The following APCDD1L variants were observed in gnomAD, a reference collection of about 807,000 sequenced individuals.
APCDD1L encodes protein APCDD1-like.
APCDD1L carries 21 observed loss-of-function variants against 24.2 expected under a neutral mutation model. The observed-to-expected ratio is 0.87, with a 90% CI of 0.61 to 1.25. APCDD1L has a LOEUF of 1.25. Ranked by LOEUF, APCDD1L falls within the 50% of genes most tolerant of loss-of-function variation. The pLI, the probability that APCDD1L is intolerant of heterozygous loss-of-function variation, is 0.00. For synonymous variants in APCDD1L, 321 were observed against 323.6 expected (o/e 0.99, Z 0.09); for missense variants, 704 against 711.7 (o/e 0.99, Z 0.12).
intron 1 of APCDD1L, among the ~76,000 whole-genome samples, chr20:58,500,773 C>T (rs972307880): frequency 1.3e-5 from 2 of 152,174 alleles, no homozygotes; most frequent in African/African-American, 4.8e-5. Context: ...CCCGGACATT[C>T]ATCCTGGCTA....
rs1990291729 is a variant in APCDD1L, at chr20:58,494,897, C to CT, written c.49+19761dup. 6.6e-6 allele frequency among the ~76,000 whole-genome samples: 1 copy of CT among 152,184 alleles called. No homozygotes were observed. Among genetic ancestry groups the CT allele is most frequent in the Non-Finnish European group, 1.5e-5 (1 of 68,040 alleles). ...TGCCGGTCTGTCTGCCAGGAATGCT[C>CT]TTTTTGGGCCTTCTGGCTCATTCTC... is the stretch of plus-strand genomic sequence containing the variant. On this transcript the variant is annotated intron_variant, in intron 1 of 3. Transcript: ENST00000371149. The surrounding 1 kb of genome is among the most constrained non-coding windows in gnomAD (Gnocchi z 4.8).
intron 1 of APCDD1L, among the ~76,000 whole-genome samples, chr20:58,474,688 G>A (rs1989874088): frequency 6.6e-6 from 1 of 152,188 alleles, no homozygotes; most frequent in Admixed American, 6.5e-5. Flanking sequence ...TGGGTGACAA[G>A]AGTGAGACTC....
intron 1 of APCDD1L, among the ~76,000 whole-genome samples, chr20:58,500,151 C>T (rs534643964): frequency 6.0e-4 from 91 of 152,294 alleles, no homozygotes; most frequent in African/African-American, 2.0e-3. Flanking sequence ...AAATTATTAT[C>T]AGATTTTTCA....
rs1989570635 is a variant in APCDD1L at position 58,460,347 on chromosome 20, GTAGGCCTCGTCCC to G, written c.*430_*442del. The G allele has an allele frequency of 6.2e-6, 1 of 161,856 alleles. No individual in the cohort carries two copies. The highest frequency in any genetic ancestry group is 1.3e-5 in the Non-Finnish European group (1 of 74,886). 10.0% of individuals were successfully genotyped at this position (161,856 alleles called of 1,614,324 possible). On this transcript the variant is annotated 3_prime_UTR_variant, in exon 4 of 4. Transcript: ENST00000371149. This position sits in a 1 kb window ranked among gnomAD's most constrained non-coding sequence, Gnocchi z 4.2. ...AACAACCTACAGACATGGCAGAACT[GTAGGCCTCGTCCC>G]TAGGCAGAGCCTCAGGATCTCCTCT...
intron 1 of APCDD1L, among the ~76,000 whole-genome samples, chr20:58,474,786 A>T (rs1446456112): frequency 6.6e-6 from 1 of 152,210 alleles, no homozygotes; most frequent in African/African-American, 2.4e-5. Context: ...TGGCATTAGG[A>T]CATTCACAAT....
intron 1 of APCDD1L, among the ~76,000 whole-genome samples, chr20:58,493,379 T>C (rs1990261555): frequency 6.6e-6 from 1 of 152,190 alleles, no homozygotes; most frequent in South Asian, 2.1e-4. Flanking sequence ...CTAGCACATT[T>C]ACACCCAGCA....
At position 58,467,471 on chromosome 20, in the gene APCDD1L, C is replaced by A. The variant is rs1478030292; in HGVS notation, c.376G>T (p.Asp126Tyr). ...SWVTRGATEA[D>Y]YHLHKVGIVF... ...ATGCCCACCTTGTGCAGGTGGTAGT[C>A]GGCCTCGGTGGCTCCCCGGGTGACC... Residue 126 changes from aspartate (D) to tyrosine (Y), a missense_variant, in exon 3 of 4, where the codon GAC becomes TAC. By Grantham distance (160) the Asp-to-Tyr change is radical. Coordinates refer to ENST00000371149, the MANE Select transcript of APCDD1L (RefSeq NM_153360.3). This position sits in a 1 kb window ranked among gnomAD's most constrained non-coding sequence, Gnocchi z 5.9. The A allele has an allele frequency of 3.8e-6, 6 of 1,595,856 alleles. No homozygotes were observed. The African/African-American group carries it at 5.4e-5, about 14-fold the overall frequency.
At chr20:58,496,396 C>T (rs879828805) in intron 1 of APCDD1L, among the ~76,000 whole-genome samples, 2 of 152,256 alleles carry the variant, frequency 1.3e-5, no homozygotes, top group Non-Finnish European at 2.9e-5. Context: ...GACGCCTGCC[C>T]CCAGGCCAGG....
At chr20:58,491,793 G>A (rs1990229797) in intron 1 of APCDD1L, among the ~76,000 whole-genome samples, 1 of 152,204 alleles carries the variant, frequency 6.6e-6, no homozygotes, top group Non-Finnish European at 1.5e-5. Flanking sequence ...AAGATATAGG[G>A]ACGTGTTGTA....
chr20:58,462,204 T>C (rs1290305856), intron 3 of APCDD1L, among the ~76,000 whole-genome samples: 1 of 152,172 alleles, frequency 6.6e-6, no homozygotes, highest in Admixed American at 6.5e-5. Flanking sequence ...TGAAAGTTGA[T>C]CTTTTTCTAG....
intron 1 of APCDD1L, among the ~76,000 whole-genome samples, chr20:58,503,924 C>G (rs1990488339): frequency 6.6e-6 from 1 of 152,202 alleles, no homozygotes; most frequent in Non-Finnish European, 1.5e-5. Context: ...GCAGAATGTG[C>G]TTAGCTTCTG....
At chr20:58,500,251 C>T (rs1990406984) in intron 1 of APCDD1L, among the ~76,000 whole-genome samples, 1 of 152,194 alleles carries the variant, frequency 6.6e-6, no homozygotes, top group Non-Finnish European at 1.5e-5. Context: ...TTCCCATTGA[C>T]ACAAAGTCAT....
At chr20:58,492,040 C>A (rs955914384) in intron 1 of APCDD1L, among the ~76,000 whole-genome samples, 2 of 152,172 alleles carry the variant, frequency 1.3e-5, no homozygotes, top group African/African-American at 4.8e-5. Context: ...TCGGTTCATA[C>A]CCCCAAATCA....
In APCDD1L at chr20:58,460,672, G is replaced by A. The variant is rs556032480; in HGVS notation, c.*118C>T. On this transcript the variant is annotated 3_prime_UTR_variant, in exon 4 of 4. Coordinates refer to ENST00000371149, the MANE Select transcript of APCDD1L (RefSeq NM_153360.3). The surrounding 1 kb of genome is among the most constrained non-coding windows in gnomAD (Gnocchi z 4.2). ...ACAGGCAGAGTTTGGAAGCAGTGGGGCTGTGCATCCATCCATGACAGAGCA... is the reference window on the plus strand; with the variant it reads ...ACAGGCAGAGTTTGGAAGCAGTGGGACTGTGCATCCATCCATGACAGAGCA... 3.2e-6 allele frequency: 4 copies of A among 1,262,956 alleles called. No individual in the cohort carries two copies. Among genetic ancestry groups the A allele is most frequent in the South Asian group, 4.1e-5 (2 of 49,016 alleles). The allele number at this position is 1,262,956 out of a possible 1,614,324, so 78.2% of individuals were successfully genotyped here.
At chr20:58,483,546 G>T (rs1165743082) in intron 1 of APCDD1L, among the ~76,000 whole-genome samples, 1 of 152,208 alleles carries the variant, frequency 6.6e-6, no homozygotes, top group African/African-American at 2.4e-5. Flanking sequence ...CAGAGGGATA[G>T]ATTATTTTAA....
In APCDD1L at chr20:58,461,770, C is replaced by T. The variant is rs916405337; in HGVS notation, c.742-216G>A. On this transcript the variant is annotated intron_variant, in intron 3 of 3. Transcript: ENST00000371149. The surrounding 1 kb of genome is among the most constrained non-coding windows in gnomAD (Gnocchi z 6.0). ...GATGGAGGTCAGCCCCTGTATCCCC[C>T]GGGCCTTGGGTCTCCTGCTGTCTCT... 13 of 428,430 alleles carry T rather than the reference C, an allele frequency of 3.0e-5. No homozygotes were observed. The highest frequency in any genetic ancestry group is 1.2e-4 in the South Asian group (1 of 8,206). The allele number at this position is 428,430 out of a possible 1,614,324, so 26.5% of individuals were successfully genotyped here. A position where few individuals can be genotyped will look rare whatever the true frequency, so the allele number is the denominator to read the frequency against.
chr20:58,480,539 T>C (rs899264289), intron 1 of APCDD1L, among the ~76,000 whole-genome samples: 1 of 152,110 alleles, frequency 6.6e-6, no homozygotes, highest in Non-Finnish European at 1.5e-5. Context: ...TTCATGTTTG[T>C]GTGACATGTG....
intron 1 of APCDD1L, among the ~76,000 whole-genome samples, chr20:58,488,295 C>T (rs1302066646): frequency 6.6e-6 from 1 of 152,076 alleles, no homozygotes. Context: ...TGGTATTATC[C>T]ACAGTCTGAG....
At chr20:58,506,353 G>C (rs1354307928) in intron 1 of APCDD1L, among the ~76,000 whole-genome samples, 2 of 152,218 alleles carry the variant, frequency 1.3e-5, no homozygotes, top group Non-Finnish European at 2.9e-5. Flanking sequence ...TGGCCTTGTA[G>C]CCACCCAGAA....
Sources: gnomAD v4.1 joint callset for allele counts (sites outside exome capture counted in the v4.1 genomes callset) on GRCh38, gnomAD v4.1.1 for gene constraint, Gnocchi (gnomAD v3.1) non-coding constraint, MANE v1.5 for transcripts, NCBI Gene and HGNC (gene_info 2026-07-23, HGNC 2026-07-21) for gene names.